The following OR51B5 variants were observed in gnomAD, a reference collection of about 807,000 sequenced individuals.
OR51B5 encodes the protein olfactory receptor family 51 subfamily B member 5.
For missense variants in OR51B5, 456 were observed against 374.6 expected, an observed-to-expected ratio of 1.22 and a Z score of -1.79; for synonymous variants, 186 against 144.8, an observed-to-expected ratio of 1.28 and a Z score of -2.04.
At chr11:5,365,364 T>C (rs558783138) in intron 1 of OR51B5, among the ~76,000 whole-genome samples, 2 of 152,298 alleles carry the variant, frequency 1.3e-5, no homozygotes, top group East Asian at 3.9e-4. Flanking sequence ...AATGCATGGC[T>C]GGTCCCGGCA....
chr11:5,434,662 A>G (rs541276904), intron 1 of OR51B5, among the ~76,000 whole-genome samples: 1 of 152,350 alleles, frequency 6.6e-6, no homozygotes, highest in African/African-American at 2.4e-5. Flanking sequence ...CAGGACAGTG[A>G]AAAGATTGGC....
At chr11:5,395,148 A>C (rs1389599268) in intron 1 of OR51B5, among the ~76,000 whole-genome samples, 2 of 152,182 alleles carry the variant, frequency 1.3e-5, no homozygotes, top group Admixed American at 6.5e-5. Flanking sequence ...GAGGATGCTA[A>C]TCCCTCTTTG....
intron 1 of OR51B5, chr11:5,423,205 G>C: frequency 2.0e-6 from 3 of 1,474,030 alleles, no homozygotes; most frequent in Non-Finnish European, 2.7e-6. Context: ...GGCTTAAGGG[G>C]GGAATATATT....
chr11:5,477,546 T>G (rs1446281324), intron 1 of OR51B5, among the ~76,000 whole-genome samples: 1 of 152,152 alleles, frequency 6.6e-6, no homozygotes, highest in African/African-American at 2.4e-5. Flanking sequence ...GGTCTACAGC[T>G]CCCAGCATGA....
At chr11:5,376,738 C>A (rs1849534744) in intron 1 of OR51B5, among the ~76,000 whole-genome samples, 1 of 151,898 alleles carries the variant, frequency 6.6e-6, no homozygotes, top group African/African-American at 2.4e-5. Flanking sequence ...TGGACACATA[C>A]ACTATCCCAA....
chr11:5,378,840 A>G (rs1290922917), intron 1 of OR51B5, among the ~76,000 whole-genome samples: 1 of 150,522 alleles, frequency 6.6e-6, no homozygotes, highest in Non-Finnish European at 1.5e-5. Context: ...GTGGAGAAAT[A>G]GGAACACTTT....
chr11:5,488,913 C>T (rs1214260843), intron 1 of OR51B5: 2 of 1,614,068 alleles, frequency 1.2e-6, no homozygotes, highest in East Asian at 2.2e-5. Flanking sequence ...TCTGCCTTCT[C>T]TCACTCACAG....
chr11:5,398,223 G>A (rs1447518854), intron 1 of OR51B5, among the ~76,000 whole-genome samples: 3 of 152,024 alleles, frequency 2.0e-5, no homozygotes, highest in East Asian at 3.9e-4. Flanking sequence ...TTAGAAAAAA[G>A]AAATTTACAT....
upstream of OR51B5, among the ~76,000 whole-genome samples, chr11:5,344,019 C>T (rs2133679599): frequency 6.6e-6 from 1 of 152,306 alleles, no homozygotes; most frequent in African/African-American, 2.4e-5. Context: ...AAAGTCTCAA[C>T]AGCCTAAGAA....
intron 1 of OR51B5, among the ~76,000 whole-genome samples, chr11:5,396,214 G>T (rs577869111): frequency 6.6e-6 from 1 of 152,102 alleles, no homozygotes; most frequent in Non-Finnish European, 1.5e-5. Context: ...TGGAAGTTCT[G>T]GCCCGGGCAA....
At chr11:5,368,488 A>T (rs1849407107) in intron 1 of OR51B5, among the ~76,000 whole-genome samples, 2 of 152,176 alleles carry the variant, frequency 1.3e-5, no homozygotes, top group Non-Finnish European at 2.9e-5. Context: ...TCATCATTGA[A>T]AATTTTGTGA....
intron 1 of OR51B5, among the ~76,000 whole-genome samples, chr11:5,484,434 A>G (rs1851471466): frequency 6.6e-6 from 1 of 152,196 alleles, no homozygotes; most frequent in Non-Finnish European, 1.5e-5. Flanking sequence ...GGGCAAGAAT[A>G]GGCCAGAAAG....
intron 1 of OR51B5, chr11:5,468,649 C>T (rs1466906393): frequency 1.3e-5 from 6 of 456,314 alleles, no homozygotes; most frequent in African/African-American, 2.0e-5. Context: ...ACACACTAAC[C>T]ATAGGCACAT....
intron 1 of OR51B5, among the ~76,000 whole-genome samples, chr11:5,374,368 C>A (rs557220605): frequency 6.6e-6 from 1 of 152,142 alleles, no homozygotes; most frequent in East Asian, 1.9e-4. Context: ...TAGATACAAC[C>A]ACAAAGTTGG....
chr11:5,426,928 C>A (rs1260206885), intron 1 of OR51B5, among the ~76,000 whole-genome samples: 1 of 152,152 alleles, frequency 6.6e-6, no homozygotes, highest in Non-Finnish European at 1.5e-5. Context: ...ATAAACTTTC[C>A]ATCTATTCTT....
rs1295702648 is a variant in OR51B5, at chr11:5,415,548, A to G, written n.85-68638T>C. 3.9e-5 allele frequency among the ~76,000 whole-genome samples: 6 copies of G among 152,190 alleles called. 1 individual carries two copies. The highest frequency in any genetic ancestry group is 1.4e-4 in the African/African-American group (6 of 41,444). ...AGCTAGCAAGACTAATAAAGAAAAA[A>G]AGAGAGAAGAATCAAATAGATGCAA... On this transcript the variant is annotated intron_variant and non_coding_transcript_variant, in intron 1 of 4. Transcript: ENST00000415970.
intron 1 of OR51B5, among the ~76,000 whole-genome samples, chr11:5,353,912 ATGATCTTTATC>A (rs1341030886): frequency 6.6e-6 from 1 of 152,210 alleles, no homozygotes; most frequent in African/African-American, 2.4e-5. Flanking sequence ...AGGCTAGTAA[ATGATCTTTATC>A]TGATTAGACC....
intron 1 of OR51B5, chr11:5,454,852 A>G (rs929952872): frequency 3.2e-5 from 5 of 157,640 alleles, no homozygotes; most frequent in African/African-American, 1.2e-4. Flanking sequence ...TCTTCAGCCT[A>G]ACACAGATAA....
chr11:5,415,407 G>T (rs1225300109), intron 1 of OR51B5, among the ~76,000 whole-genome samples: 5 of 150,906 alleles, frequency 3.3e-5, no homozygotes, highest in East Asian at 3.9e-4. Flanking sequence ...CTAGCAGAAG[G>T]CAAGAAATAA....
Sources: gnomAD v4.1 joint callset for allele counts (sites outside exome capture counted in the v4.1 genomes callset) on GRCh38, gnomAD v4.1.1 for gene constraint, MANE v1.5 for transcripts, NCBI Gene and HGNC (gene_info 2026-07-23, HGNC 2026-07-21) for gene names.